The following CRB1 variants were observed in gnomAD, a reference collection of about 807,000 sequenced individuals.
The protein encoded by CRB1 is crumbs cell polarity complex component 1.
Under a neutral mutation model 120.0 loss-of-function variants are expected in CRB1, and 83 were observed. That is an observed-to-expected ratio of 0.69 (90% CI 0.58 to 0.83). The LOEUF (loss-of-function observed/expected upper bound fraction) is 0.83, where lower values mean the gene tolerates loss of function less well. Among genes scored for constraint, CRB1 ranks in the 40% least tolerant of loss-of-function variants. The pLI, the probability that CRB1 is intolerant of heterozygous loss-of-function variation, is 0.00. For missense variants in CRB1, 1,699 were observed against 1,687.6 expected (o/e 1.01, Z -0.12); for synonymous variants, 625 against 612.5 (o/e 1.02, Z -0.30).
the CRB1 span, among the ~76,000 whole-genome samples, chr1:197,238,873 A>G: frequency 1.3e-5 from 2 of 152,134 alleles, no homozygotes; most frequent in African/African-American, 4.8e-5. Flanking sequence ...CTATTATAAA[A>G]ACAAGACAAA....
chr1:197,373,417 G>A (rs543289978), intron 5 of CRB1, among the ~76,000 whole-genome samples: 2 of 152,248 alleles, frequency 1.3e-5, no homozygotes, highest in South Asian at 2.1e-4. Flanking sequence ...GCCCTTCAAA[G>A]TGTGTACAAA....
the CRB1 span, among the ~76,000 whole-genome samples, chr1:197,204,321 C>G: frequency 2.0e-5 from 3 of 152,144 alleles, no homozygotes; most frequent in African/African-American, 4.8e-5. Flanking sequence ...AGTGGGATTG[C>G]TGGATTAACT....
In CRB1 at chr1:197,328,791, T is replaced by G. The variant is rs1658679410; in HGVS notation, c.440T>G (p.Ile147Arg). 1.9e-6 allele frequency: 3 copies of G among 1,613,716 alleles called. No homozygotes were observed. Among genetic ancestry groups the G allele is most frequent in the East Asian group, 2.2e-5 (1 of 44,872 alleles). ...GGATATGCTGGAAGATTCTGTGAGATAGATCACGATGAGTGTGCTTCCAGC... is the reference window on the plus strand; with the variant it reads ...GGATATGCTGGAAGATTCTGTGAGAGAGATCACGATGAGTGTGCTTCCAGC... The part of the protein sequence containing the change: ...PAGYAGRFCE[I>R]DHDECASSPC... The change falls in exon 2 of 12, where the codon ATA becomes AGA. Residue 147 changes from isoleucine to arginine, a missense_variant. Coordinates refer to ENST00000367400, the MANE Select transcript of CRB1 (RefSeq NM_201253.3).
chr1:197,279,537 CTT>C (rs747284548), intron 1 of CRB1, among the ~76,000 whole-genome samples: 71 of 130,744 alleles, frequency 5.4e-4, no homozygotes, highest in African/African-American at 1.8e-3. Flanking sequence ...TGTTTTCTGG[CTT>C]TTTTTTTTTT....
the CRB1 span, among the ~76,000 whole-genome samples, chr1:197,215,173 A>G: frequency 6.6e-6 from 1 of 152,274 alleles, no homozygotes; most frequent in East Asian, 1.9e-4. Context: ...ACATCAGCAT[A>G]ATAATGGCCA....
chr1:197,201,801 A>AT, the CRB1 span, among the ~76,000 whole-genome samples: 51 of 152,170 alleles, frequency 3.4e-4, no homozygotes, highest in African/African-American at 1.1e-3. Flanking sequence ...TCGTTTCGTT[A>AT]TTTTTCTGAC....
At chr1:197,330,794 C>A (rs933194540) in intron 2 of CRB1, among the ~76,000 whole-genome samples, 5 of 13,160 alleles carry the variant, frequency 3.8e-4, no homozygotes, top group Admixed American at 2.1e-3. Context: ...GTTTTTGCAC[C>A]CCCCCCCAAA....
intron 1 of CRB1, among the ~76,000 whole-genome samples, chr1:197,276,437 C>A (rs185085564): frequency 4.0e-5 from 6 of 151,766 alleles, no homozygotes; most frequent in Admixed American, 4.0e-4. Flanking sequence ...ATCTATATAT[C>A]TGACACTGTT....
At chr1:197,459,528 A>G (rs1666430027) in intron 11 of CRB1, among the ~76,000 whole-genome samples, 1 of 152,104 alleles carries the variant, frequency 6.6e-6, no homozygotes, top group African/African-American at 2.4e-5. Context: ...TGACAAAGGA[A>G]CAAGGCAGTT....
At chr1:197,326,632 AAAT>A (rs530759730) in intron 1 of CRB1, among the ~76,000 whole-genome samples, 4 of 151,764 alleles carry the variant, frequency 2.6e-5, no homozygotes, top group Admixed American at 6.6e-5. Flanking sequence ...CTCTGTCTCA[AAAT>A]AATAATAATA....
rs201042582 is a variant in CRB1, at chr1:197,361,200, CT to C, written c.1171+4198del. Among the ~76,000 whole-genome samples the C allele has an allele frequency of 4.3e-3, 621 of 142,918 alleles. 6 individuals are homozygous for C. Among genetic ancestry groups the C allele is most frequent in the African/African-American group, 0.01 (397 of 39,160 alleles). The allele number at this position is 142,918 out of a possible 152,430, so 93.8% of individuals were successfully genotyped here. A position where few individuals can be genotyped will look rare whatever the true frequency, so the allele number is the denominator to read the frequency against. ...TTGGTCTATAGTTTTCTTTCTCTCT[CT>C]TTTTTTTTTTGTACTGTCTTTGTCT... is the stretch of plus-strand genomic sequence containing the variant. On this transcript the variant is annotated intron_variant, in intron 5 of 11. Transcript: ENST00000367400.
intron 11 of CRB1, among the ~76,000 whole-genome samples, chr1:197,469,464 T>A (rs1666888623): frequency 6.6e-6 from 1 of 151,892 alleles, no homozygotes; most frequent in Admixed American, 6.6e-5. Flanking sequence ...AGAACAGAAT[T>A]GTAGGGGAAT....
intron 1 of CRB1, among the ~76,000 whole-genome samples, chr1:197,289,571 G>C (rs564194546): frequency 5.3e-5 from 8 of 151,730 alleles, no homozygotes; most frequent in Non-Finnish European, 1.2e-4. Flanking sequence ...GGGAAAATTT[G>C]AACCATTTAT....
the CRB1 span, among the ~76,000 whole-genome samples, chr1:197,231,759 G>A: frequency 6.6e-6 from 1 of 152,136 alleles, no homozygotes; most frequent in African/African-American, 2.4e-5. Flanking sequence ...ATCACTGTTT[G>A]CAATCAGGAA....
the CRB1 span, among the ~76,000 whole-genome samples, chr1:197,231,594 G>A: frequency 2.0e-5 from 3 of 152,290 alleles, no homozygotes; most frequent in Admixed American, 6.5e-5. Context: ...AGAAAGTGAT[G>A]AGCCACAATA....
intron 5 of CRB1, among the ~76,000 whole-genome samples, chr1:197,402,863 G>T (rs1049466907): frequency 6.6e-6 from 1 of 151,916 alleles, no homozygotes; most frequent in Non-Finnish European, 1.5e-5. Flanking sequence ...CCACTTTTCT[G>T]CCCCCAATGT....
intron 11 of CRB1, among the ~76,000 whole-genome samples, chr1:197,446,483 G>C (rs1410341402): frequency 6.6e-6 from 1 of 152,174 alleles, no homozygotes; most frequent in Non-Finnish European, 1.5e-5. Flanking sequence ...AAAGAAGCAG[G>C]AGTAAGCCCT....
intron 5 of CRB1, among the ~76,000 whole-genome samples, chr1:197,378,594 G>GT (rs1187940740): frequency 1.3e-5 from 2 of 152,108 alleles, no homozygotes; most frequent in African/African-American, 4.8e-5. Flanking sequence ...TTTCAGACCT[G>GT]TTTTTCACTC....
chr1:197,347,855 T>G (rs976672619), intron 4 of CRB1, among the ~76,000 whole-genome samples: 14 of 152,156 alleles, frequency 9.2e-5, no homozygotes, highest in Non-Finnish European at 2.1e-4. Flanking sequence ...TATTAGAAAC[T>G]TGTATTCTCT....
Sources: gnomAD v4.1 joint callset for allele counts (sites outside exome capture counted in the v4.1 genomes callset) on GRCh38, gnomAD v4.1.1 for gene constraint, MANE v1.5 for transcripts, NCBI Gene and HGNC (gene_info 2026-07-23, HGNC 2026-07-21) for gene names.